Variants in PRKD1 observed in about 807,000 individuals in gnomAD.
The protein encoded by PRKD1 is protein kinase D1, also known as serine/threonine-protein kinase D1.
In PRKD1, 63 loss-of-function variants were observed where a neutral mutation model predicts 95.9. The ratio of observed to expected loss-of-function variants is 0.66; its 90% CI spans 0.54 to 0.81. The LOEUF is 0.81. Among genes scored for constraint, PRKD1 ranks in the 30% least tolerant of loss-of-function variants. PRKD1 has a pLI of 0.00. For synonymous variants in PRKD1, 425 were observed against 423.1 expected (o/e 1.00, Z -0.05); for missense variants, 1,048 against 1,165.3 (o/e 0.90, Z 1.47).
chr14:29,878,413 A>G (rs140301342), intron 1 of PRKD1, among the ~76,000 whole-genome samples: 417 of 151,918 alleles, frequency 2.7e-3, no homozygotes, highest in African/African-American at 9.4e-3. Context: ...TTAGGTATAT[A>G]CTGAAAAGAA....
At chr14:29,619,923 A>T (rs1461133712) in intron 13 of PRKD1, among the ~76,000 whole-genome samples, 1 of 152,040 alleles carries the variant, frequency 6.6e-6, no homozygotes, top group South Asian at 2.1e-4. Flanking sequence ...ACTTCAAACT[A>T]TACTACAAGG....
At chr14:29,810,402 C>CTCTA (rs954798611) in intron 1 of PRKD1, among the ~76,000 whole-genome samples, 1 of 152,190 alleles carries the variant, frequency 6.6e-6, no homozygotes, top group Non-Finnish European at 1.5e-5. Context: ...ACCTCAGCAC[C>CTCTA]TCTAATGTCA....
intron 1 of PRKD1, among the ~76,000 whole-genome samples, chr14:29,798,259 C>T (rs1215337515): frequency 6.6e-6 from 1 of 152,196 alleles, no homozygotes; most frequent in Non-Finnish European, 1.5e-5. Flanking sequence ...CAGTTCCACG[C>T]AGTTCCACCC....
intron 10 of PRKD1, among the ~76,000 whole-genome samples, chr14:29,629,845 T>G (rs1487540022): frequency 2.0e-5 from 3 of 152,084 alleles, no homozygotes; most frequent in Non-Finnish European, 1.5e-5. Flanking sequence ...CACAGAATAC[T>G]AGGTGAGGTG....
chr14:29,774,864 A>G lies in PRKD1; in HGVS notation c.265-49190T>C, dbSNP rs192691932. ...GAAAGTGTGATTTGCATTCTTCCACAGGAAAGCAACATGATAATAGTGGTG... is the reference window on the plus strand; with the variant it reads ...GAAAGTGTGATTTGCATTCTTCCACGGGAAAGCAACATGATAATAGTGGTG... On this transcript the variant is annotated intron_variant, in intron 1 of 17. Transcript: ENST00000331968. Among the ~76,000 whole-genome samples, 199 of 152,306 alleles carry G rather than the reference A, an allele frequency of 1.3e-3. 1 individual carries two copies. The highest frequency in any genetic ancestry group is 2.7e-3 in the Admixed American group (42 of 15,300).
intron 1 of PRKD1, among the ~76,000 whole-genome samples, chr14:29,892,505 G>A (rs1331584920): frequency 2.0e-5 from 3 of 150,160 alleles, no homozygotes; most frequent in Non-Finnish European, 3.0e-5. Context: ...TTTCCATGTT[G>A]ACAGATCTCA....
intron 11 of PRKD1, among the ~76,000 whole-genome samples, chr14:29,628,250 A>G (rs1259117033): frequency 6.6e-6 from 1 of 152,218 alleles, no homozygotes; most frequent in African/African-American, 2.4e-5. Flanking sequence ...GGATGAATAG[A>G]GTTTCATGAA....
intron 2 of PRKD1, among the ~76,000 whole-genome samples, chr14:29,678,591 A>G (rs1174775446): frequency 1.3e-5 from 2 of 152,178 alleles, no homozygotes; most frequent in Non-Finnish European, 2.9e-5. Flanking sequence ...ATATTAAACA[A>G]ATTTCCAATT....
chr14:29,603,443 C>T (rs1004814020), intron 13 of PRKD1, among the ~76,000 whole-genome samples: 3 of 152,106 alleles, frequency 2.0e-5, no homozygotes, highest in African/African-American at 7.2e-5. Context: ...TTTAGTCAAA[C>T]TTCTTATACT....
chr14:29,614,705 A>AT (rs896731096), intron 13 of PRKD1, among the ~76,000 whole-genome samples: 39 of 148,174 alleles, frequency 2.6e-4, no homozygotes, highest in African/African-American at 5.2e-4. Context: ...ATACACATAT[A>AT]TTTTTTTTTT....
chr14:29,585,289 C>T (rs368486210), intron 16 of PRKD1, among the ~76,000 whole-genome samples: 11 of 152,306 alleles, frequency 7.2e-5, no homozygotes, highest in African/African-American at 2.6e-4. Flanking sequence ...GCAAACAAGG[C>T]CACTGGAAAT....
chr14:29,868,865 C>T (rs1452510536), intron 1 of PRKD1, among the ~76,000 whole-genome samples: 2 of 152,060 alleles, frequency 1.3e-5, no homozygotes, highest in African/African-American at 2.4e-5. Context: ...TGAGGCCAAT[C>T]GATACGGACA....
intron 15 of PRKD1, 121 bp downstream of exon 15, chr14:29,598,906 G>T (rs890557663): frequency 3.8e-5 from 33 of 862,576 alleles, no homozygotes; most frequent in Middle Eastern, 4.6e-4. Context: ...GAATAAAAAT[G>T]GATAGAAAAC....
At chr14:29,884,784 C>T (rs1384642171) in intron 1 of PRKD1, among the ~76,000 whole-genome samples, 1 of 152,122 alleles carries the variant, frequency 6.6e-6, no homozygotes, top group East Asian at 1.9e-4. Context: ...GAATTCTTCC[C>T]TGAGAAGTCA....
chr14:29,600,086 A>G (rs1420113277), intron 13 of PRKD1, among the ~76,000 whole-genome samples: 1 of 152,228 alleles, frequency 6.6e-6, no homozygotes, highest in African/African-American at 2.4e-5. Flanking sequence ...ATTAGGTTTT[A>G]ATTAGAATAC....
intron 2 of PRKD1, among the ~76,000 whole-genome samples, chr14:29,702,085 A>G (rs1884870194): frequency 6.6e-6 from 1 of 152,164 alleles, no homozygotes; most frequent in Non-Finnish European, 1.5e-5. Context: ...GAAATATGGA[A>G]TCGTCTCCTT....
At chr14:29,865,853 C>T (rs1202009801) in intron 1 of PRKD1, among the ~76,000 whole-genome samples, 1 of 152,108 alleles carries the variant, frequency 6.6e-6, no homozygotes, top group Non-Finnish European at 1.5e-5. Flanking sequence ...TCCAGATTAC[C>T]TATAACAACA....
chr14:29,789,320 T>C (rs1376383852), intron 1 of PRKD1, among the ~76,000 whole-genome samples: 1 of 152,230 alleles, frequency 6.6e-6, no homozygotes, highest in Non-Finnish European at 1.5e-5. Flanking sequence ...TTTTCATTTT[T>C]CTGTGCCCTT....
chr14:29,629,235 C>A, intron 10 of PRKD1, 142 bp from the exon 11 acceptor site: 1 of 622,212 alleles, frequency 1.6e-6, no homozygotes. Context: ...AAGAAAATGT[C>A]ATTAGAATAT....
Sources: allele counts gnomAD v4.1 joint callset (sites outside exome capture counted in the v4.1 genomes callset), GRCh38; gene constraint gnomAD v4.1.1; transcripts MANE v1.5; gene names NCBI Gene and HGNC (gene_info 2026-07-23, HGNC 2026-07-21).